The following PRPF39 variants were observed in gnomAD, a reference collection of about 807,000 sequenced individuals.
The protein encoded by PRPF39 is pre-mRNA processing factor 39.
PRPF39 carries 27 observed loss-of-function variants against 82.1 expected under a neutral mutation model. The ratio of observed to expected loss-of-function variants is 0.33; its 90% confidence interval spans 0.24 to 0.45. The LOEUF (loss-of-function observed/expected upper bound fraction) is 0.45, where lower values mean the gene tolerates loss of function less well. Among genes scored for constraint, PRPF39 ranks in the 20% least tolerant of loss-of-function variants. The probability of loss-of-function intolerance (pLI) is 1.00; values close to 1 mark genes in which losing one functional copy is unlikely to be tolerated. For synonymous variants in PRPF39, 261 were observed against 256.4 expected (o/e 1.02, Z -0.17); for missense variants, 581 against 796.9 (o/e 0.73, Z 3.26).
chr14:45,088,033 C>T (rs898448787), intron 1 of PRPF39, among the ~76,000 whole-genome samples: 3 of 152,108 alleles, frequency 2.0e-5, no homozygotes, highest in African/African-American at 7.2e-5. Context: ...ACTAGGCCTC[C>T]AGGTGTACTG....
At chr14:45,091,554 A>G (rs923319719) in intron 1 of PRPF39, among the ~76,000 whole-genome samples, 2 of 152,238 alleles carry the variant, frequency 1.3e-5, no homozygotes, top group African/African-American at 2.4e-5. Context: ...TAATATGACA[A>G]ACTTATAATA....
Position 45,108,450 on chromosome 14 carries a change from C to A in PRPF39, c.939C>A (p.Ile313=), listed in dbSNP as rs148383913. The A allele has an allele frequency of 9.0e-5, 143 of 1,594,278 alleles. No individual in the cohort carries two copies. In the African/African-American group the frequency reaches 1.9e-3, roughly 21 times the overall value. ...ITEIENMRHR[I]IEIHQEMFNY... ...AAATAGAAAACATGAGACATAGAAT[C>A]ATTGAGATTCATCAAGAAATGTTTA... is the stretch of plus-strand genomic sequence containing the variant. The change falls in exon 7 of 14, where the codon ATC becomes ATA. Residue 313 remains isoleucine (I), a synonymous_variant. Coordinates refer to ENST00000355765, the MANE Select transcript of PRPF39 (RefSeq NM_017922.4).
chr14:45,106,427 T>C (rs1884534668), intron 5 of PRPF39, among the ~76,000 whole-genome samples: 1 of 152,202 alleles, frequency 6.6e-6, no homozygotes, highest in Non-Finnish European at 1.5e-5. Context: ...AAATATTTCA[T>C]ATTTGAGGTT....
At chr14:45,085,803 CTTGT>C (rs1420053624) in intron 1 of PRPF39, among the ~76,000 whole-genome samples, 2 of 152,154 alleles carry the variant, frequency 1.3e-5, no homozygotes, top group Non-Finnish European at 2.9e-5. Flanking sequence ...TGCAAAGCTA[CTTGT>C]TTTGCTCTAC....
intron 5 of PRPF39, 137 bp downstream of exon 5, chr14:45,102,833 A>G (rs529351452): frequency 1.2e-6 from 1 of 839,532 alleles, no homozygotes; most frequent in Admixed American, 2.9e-5. Context: ...GCTAATCACA[A>G]CCTACATGCT....
At chr14:45,101,963 T>G (rs1410165691) in intron 4 of PRPF39, among the ~76,000 whole-genome samples, 16 of 151,602 alleles carry the variant, frequency 1.1e-4, no homozygotes, top group Non-Finnish European at 2.9e-5. Context: ...TGTGCCACCA[T>G]GCCTGGCTAA....
chr14:45,087,933 C>T (rs891172575), intron 1 of PRPF39, among the ~76,000 whole-genome samples: 1 of 151,952 alleles, frequency 6.6e-6, no homozygotes, highest in African/African-American at 2.4e-5. Context: ...TTATCACTTC[C>T]CATTTGGTTA....
At chr14:45,095,889 G>GT (rs371379977) in intron 2 of PRPF39, among the ~76,000 whole-genome samples, 1,863 of 129,940 alleles carry the variant, frequency 0.014, 22 homozygotes, top group African/African-American at 0.033. Context: ...GCCTGTGTAG[G>GT]TTTTTTTTTT....
intron 4 of PRPF39, among the ~76,000 whole-genome samples, chr14:45,101,468 T>C (rs1325245251): frequency 6.6e-6 from 1 of 152,062 alleles, no homozygotes; most frequent in Non-Finnish European, 1.5e-5. Context: ...AACTTTTTTT[T>C]TTTCTTTGGA....
rs759132008 is a variant in PRPF39 at position 45,107,568 on chromosome 14, T to G, written c.855T>G (p.Pro285=). ...VNGHSGDDGP[P]GDDLPSGIED... ...GTCATAGTGGTGATGATGGTCCTCC[T>G]GGTGATGATCTACCATCGGGAATTG... Residue 285 remains proline, a synonymous_variant, in exon 6 of 14, where the codon CCT becomes CCG. Coordinates refer to ENST00000355765, the MANE Select transcript of PRPF39 (RefSeq NM_017922.4). 1.3e-6 allele frequency: 2 copies of G among 1,553,082 alleles called. No homozygotes were observed. The highest frequency in any genetic ancestry group is 2.4e-5 in the South Asian group (2 of 84,114).
chr14:45,107,238 G>C (rs577474433), intron 5 of PRPF39, among the ~76,000 whole-genome samples: 1 of 152,150 alleles, frequency 6.6e-6, no homozygotes, highest in Admixed American at 6.5e-5. Context: ...GTAAAGGTAG[G>C]AAGAAATTGA....
intron 12 of PRPF39, 72 bp downstream of exon 12, chr14:45,114,329 A>G: frequency 2.8e-6 from 4 of 1,410,064 alleles, no homozygotes; most frequent in Non-Finnish European, 3.9e-6. Flanking sequence ...AATGTTTTTA[A>G]GTGTTACTTT....
intron 5 of PRPF39, among the ~76,000 whole-genome samples, chr14:45,106,660 GAC>G (rs1229973489): frequency 6.6e-6 from 1 of 152,096 alleles, no homozygotes; most frequent in Non-Finnish European, 1.5e-5. Context: ...GAAAGGTTTG[GAC>G]TTGTGTTGTA....
chr14:45,108,289 A>G (rs1408677809), intron 6 of PRPF39, 126 bp from the exon 7 acceptor site: 1 of 1,107,846 alleles, frequency 9.0e-7, no homozygotes, highest in African/African-American at 1.6e-5. Context: ...AATTGCCAAC[A>G]GTTAAAAATC....
chr14:45,094,969 A>T (rs1477609051), intron 1 of PRPF39, among the ~76,000 whole-genome samples: 1 of 152,202 alleles, frequency 6.6e-6, no homozygotes, highest in Non-Finnish European at 1.5e-5. Flanking sequence ...TGTTGTTTGA[A>T]TGAGGTAACA....
intron 2 of PRPF39, among the ~76,000 whole-genome samples, chr14:45,095,895 T>G (rs1393854427): frequency 6.6e-6 from 1 of 151,150 alleles, no homozygotes; most frequent in Non-Finnish European, 1.5e-5. Flanking sequence ...GTAGGTTTTT[T>G]TTTTTTTTTT....
chr14:45,096,441 A>C (rs779813471), intron 3 of PRPF39: 15 of 1,484,828 alleles, frequency 1.0e-5, no homozygotes. Context: ...AAACCTCTAC[A>C]GTTTGTCAAG....
At chr14:45,114,801 C>T (rs1210003337) in intron 13 of PRPF39, 56 bp from the exon 14 acceptor site, 2 of 1,460,612 alleles carry the variant, frequency 1.4e-6, no homozygotes, top group African/African-American at 2.8e-5. Flanking sequence ...TATACTTTTA[C>T]ATATGGAACT....
intron 1 of PRPF39, among the ~76,000 whole-genome samples, chr14:45,085,050 A>T (rs1002777276): frequency 2.0e-5 from 3 of 152,270 alleles, no homozygotes; most frequent in Middle Eastern, 6.8e-3. Flanking sequence ...ATCTGTTCAG[A>T]AATAAACTTT....
Sources: allele counts gnomAD v4.1 joint callset (sites outside exome capture counted in the v4.1 genomes callset), GRCh38; gene constraint gnomAD v4.1.1; transcripts MANE v1.5; gene names NCBI Gene and HGNC (gene_info 2026-07-23, HGNC 2026-07-21).